The following IQCH variants were observed in gnomAD, a reference collection of about 807,000 sequenced individuals.
IQCH encodes the protein IQ domain-containing protein H.
Under a neutral mutation model 117.0 loss-of-function variants are expected in IQCH, and 98 were observed. The observed-to-expected ratio is 0.84, with a 90% confidence interval of 0.71 to 0.99. The LOEUF (loss-of-function observed/expected upper bound fraction) is 0.99. Ranked by LOEUF, IQCH falls within the 50% of genes least tolerant of loss-of-function variation. IQCH has a pLI of 0.00. For synonymous variants in IQCH, 412 were observed against 448.2 expected (o/e 0.92, Z 1.02); for missense variants, 1,102 against 1,243.8 (o/e 0.89, Z 1.72).
chr15:67,494,484 T>C lies in IQCH; in HGVS notation c.2970+118T>C. On this transcript the variant is annotated intron_variant, in intron 20 of 20. Coordinates refer to ENST00000335894, the MANE Select transcript of IQCH (RefSeq NM_001031715.3). This position sits in a 1 kb window ranked among gnomAD's most constrained non-coding sequence, Gnocchi z 5.5. ...TTTTTTTATTGTAAGCAGTACATAT[T>C]TTACAGTGTGCAGGGTCAATACTGT... The C allele has an allele frequency of 1.5e-6, 1 of 656,002 alleles. No homozygotes were observed. Among genetic ancestry groups the C allele is most frequent in the East Asian group, 2.9e-5 (1 of 34,994 alleles). The allele number at this position is 656,002 out of a possible 1,614,324, so 40.6% of individuals were successfully genotyped here. A position where few individuals can be genotyped will look rare whatever the true frequency, so the allele number is the denominator to read the frequency against.
intron 20 of IQCH, among the ~76,000 whole-genome samples, chr15:67,499,914 T>A (rs2083934565): frequency 6.6e-6 from 1 of 152,008 alleles, no homozygotes; most frequent in Admixed American, 6.6e-5. Context: ...GCAGAAGAGG[T>A]AGATCCATAG....
rs555283234 is a variant in IQCH at position 67,474,740 on chromosome 15, G to T, written c.2677-956G>T. Among the ~76,000 whole-genome samples, 5 of 152,186 alleles carry T rather than the reference G, an allele frequency of 3.3e-5. No individual in the cohort carries two copies. The highest frequency in any genetic ancestry group is 7.3e-5 in the Non-Finnish European group (5 of 68,040). On this transcript the variant is annotated intron_variant, in intron 17 of 20. Coordinates refer to ENST00000335894, the MANE Select transcript of IQCH (RefSeq NM_001031715.3). This position sits in a 1 kb window ranked among gnomAD's most constrained non-coding sequence, Gnocchi z 4.1. ...GCTGCCAAAGGTTAAAGTATGGGAA[G>T]AGTGGGAAAATATCTTTACAGCAGA...
At chr15:67,304,486 A>AT (rs1324650285) in intron 4 of IQCH, 5 of 1,046,804 alleles carry the variant, frequency 4.8e-6, no homozygotes, top group Non-Finnish European at 4.2e-6. Flanking sequence ...ATGAGCTCTT[A>AT]TTTTTTTAAG....
intron 4 of IQCH, among the ~76,000 whole-genome samples, chr15:67,293,846 G>A (rs943009971): frequency 1.3e-5 from 2 of 152,156 alleles, no homozygotes; most frequent in African/African-American, 4.8e-5. Context: ...AGTGTGAATA[G>A]CAAAGAAGGG....
At position 67,342,214 on chromosome 15, in the gene IQCH, C is replaced by A. The variant is rs769717375; in HGVS notation, c.509-1849C>A. ...CCCAGGTATTCAAGGGTGCAGTGAGCTATGATGGTGCCACTGCACTCCAAC... is the reference window on the plus strand; with the variant it reads ...CCCAGGTATTCAAGGGTGCAGTGAGATATGATGGTGCCACTGCACTCCAAC... On this transcript the variant is annotated intron_variant, in intron 5 of 20. Transcript: ENST00000335894. The surrounding 1 kb of genome is among the most constrained non-coding windows in gnomAD (Gnocchi z 4.7). Among the ~76,000 whole-genome samples, 14 of 151,914 alleles carry A rather than the reference C, an allele frequency of 9.2e-5. No homozygotes were observed. The highest frequency in any genetic ancestry group is 2.1e-4 in the Non-Finnish European group (14 of 67,980).
At chr15:67,332,462 A>C (rs1213810598) in intron 4 of IQCH, among the ~76,000 whole-genome samples, 1 of 152,210 alleles carries the variant, frequency 6.6e-6, no homozygotes, top group Non-Finnish European at 1.5e-5. Flanking sequence ...ATTCTAGTAA[A>C]GTACACATGA....
At chr15:67,488,987 G>A (rs1018995332) in intron 18 of IQCH, among the ~76,000 whole-genome samples, 2 of 151,862 alleles carry the variant, frequency 1.3e-5, no homozygotes, top group African/African-American at 4.8e-5. Context: ...TCCCACTGAA[G>A]TACAAATTAT....
chr15:67,353,182 T>A (rs182638566), intron 6 of IQCH, among the ~76,000 whole-genome samples: 1 of 148,942 alleles, frequency 6.7e-6, no homozygotes, highest in Non-Finnish European at 1.5e-5. Flanking sequence ...ACAAGAACAA[T>A]TGATAATAAG....
rs111875205 is a variant in IQCH, at chr15:67,487,429, A to AACACACACAC, written c.2800-2554_2800-2545dup. Among the ~76,000 whole-genome samples the AACACACACAC allele has an allele frequency of 1.5e-3, 215 of 148,188 alleles. 1 individual carries two copies. Among genetic ancestry groups the AACACACACAC allele is most frequent in the African/African-American group, 2.2e-3 (89 of 40,336 alleles). On this transcript the variant is annotated intron_variant, in intron 18 of 20. Coordinates refer to ENST00000335894, the MANE Select transcript of IQCH (RefSeq NM_001031715.3). ...CTTCCTGAGCACAAAACTTAAGGAA[A>AACACACACAC]ACACACACACACACACACACACACA...
rs1230658528 is a variant in IQCH at position 67,408,584 on chromosome 15, TA to T, written c.2097+8282del. ...GGCACAGCTCTTCACTCTGATTAAC[TA>T]AAGTCACTGCTTGCCCATTCCTTTT... On this transcript the variant is annotated intron_variant, in intron 14 of 20. Transcript: ENST00000335894. The surrounding 1 kb of genome is among the most constrained non-coding windows in gnomAD (Gnocchi z 4.2). 1 of 152,212 alleles carries T rather than the reference TA, an allele frequency of 6.6e-6. No homozygotes were observed. Among genetic ancestry groups the T allele is most frequent in the Non-Finnish European group, 1.5e-5 (1 of 68,036 alleles). 9.4% of individuals were successfully genotyped at this position (152,212 alleles called of 1,614,324 possible).
At chr15:67,314,552 T>A (rs557335910) in intron 4 of IQCH, among the ~76,000 whole-genome samples, 5 of 152,298 alleles carry the variant, frequency 3.3e-5, no homozygotes, top group African/African-American at 1.2e-4. Context: ...CATTTTTTTC[T>A]TTTATATAAG....
chr15:67,281,037 G>A (rs1487824663), intron 4 of IQCH, among the ~76,000 whole-genome samples: 1 of 151,990 alleles, frequency 6.6e-6, no homozygotes, highest in Non-Finnish European at 1.5e-5. Context: ...GTAGAGATGG[G>A]GTTTCACCAT....
rs1327159004 is a variant in IQCH at position 67,416,839 on chromosome 15, G to C, written c.2098-92G>C. 3.8e-6 allele frequency: 4 copies of C among 1,040,326 alleles called. No individual in the cohort carries two copies. Among genetic ancestry groups the C allele is most frequent in the Non-Finnish European group, 5.2e-6 (4 of 774,290 alleles). The allele number at this position is 1,040,326 out of a possible 1,614,324, so 64.4% of individuals were successfully genotyped here. A position where few individuals can be genotyped will look rare whatever the true frequency, so the allele number is the denominator to read the frequency against. On this transcript the variant is annotated intron_variant, in intron 14 of 20. Transcript: ENST00000335894. The surrounding 1 kb of genome is among the most constrained non-coding windows in gnomAD (Gnocchi z 5.1). Reference sequence around the variant, plus strand: ...GGTAAACAGTAACCACATTTTTTTTGCCTGTTGGAGGCCTGGTTTTTAATC... The same window carrying C: ...GGTAAACAGTAACCACATTTTTTTTCCCTGTTGGAGGCCTGGTTTTTAATC...
intron 5 of IQCH, among the ~76,000 whole-genome samples, chr15:67,340,445 A>AC (rs1969109309): frequency 4.8e-5 from 7 of 146,856 alleles, no homozygotes; most frequent in East Asian, 3.9e-4. Flanking sequence ...AAAAAAAAAA[A>AC]AAAAAAAAAA....
In IQCH at chr15:67,457,175, A is replaced by C. The variant is rs2082678371; in HGVS notation, c.2506-7952A>C. On this transcript the variant is annotated intron_variant, in intron 16 of 20. Coordinates refer to ENST00000335894, the MANE Select transcript of IQCH (RefSeq NM_001031715.3). The surrounding 1 kb of genome is among the most constrained non-coding windows in gnomAD (Gnocchi z 5.7). ...CTCCCCTCTGCCTATTGATTTAGGC[A>C]GAGGGCCTATTGCATTTTAATGTTA... is the stretch of plus-strand genomic sequence containing the variant. 6.6e-6 allele frequency among the ~76,000 whole-genome samples: 1 copy of C among 152,202 alleles called. No homozygotes were observed. The highest frequency in any genetic ancestry group is 1.5e-5 in the Non-Finnish European group (1 of 68,030).
intron 16 of IQCH, among the ~76,000 whole-genome samples, chr15:67,449,066 GGGTT>G (rs1027040062): frequency 7.2e-5 from 3 of 41,944 alleles, no homozygotes; most frequent in Non-Finnish European, 1.8e-4. Context: ...CTTTTTGATG[GGGTT>G]GTTTGTTTTT....
At chr15:67,482,578 T>C (rs546013718) in intron 18 of IQCH, among the ~76,000 whole-genome samples, 53 of 152,310 alleles carry the variant, frequency 3.5e-4, no homozygotes, top group African/African-American at 1.2e-3. Context: ...CATTCTGATA[T>C]TGTAAATGAG....
At chr15:67,354,608 TA>T (rs67439935) in intron 6 of IQCH, among the ~76,000 whole-genome samples, 67,019 of 151,542 alleles carry the variant, frequency 0.44, 15,284 homozygotes, top group Non-Finnish European at 0.52. Context: ...GCACATGCAA[TA>T]AGACAAAGTA....
At position 67,369,956 on chromosome 15, in the gene IQCH, T is replaced by G. The variant is rs1013420460; in HGVS notation, c.754-2155T>G. On this transcript the variant is annotated intron_variant, in intron 8 of 20. Coordinates refer to ENST00000335894, the MANE Select transcript of IQCH (RefSeq NM_001031715.3). This position sits in a 1 kb window ranked among gnomAD's most constrained non-coding sequence, Gnocchi z 5.2. Reference sequence around the variant, plus strand: ...GGTCTGTTTGATGTCCAGGAGTATGTTTCCTTTGAGAGCAGGTCTTTGCTG... The same window carrying G: ...GGTCTGTTTGATGTCCAGGAGTATGGTTCCTTTGAGAGCAGGTCTTTGCTG... Among the ~76,000 whole-genome samples, 13 of 152,330 alleles carry G rather than the reference T, an allele frequency of 8.5e-5. No individual in the cohort carries two copies. Among genetic ancestry groups the G allele is most frequent in the South Asian group, 6.2e-4 (3 of 4,828 alleles).
Sources: allele counts gnomAD v4.1 joint callset (sites outside exome capture counted in the v4.1 genomes callset), GRCh38; gene constraint gnomAD v4.1.1; non-coding constraint Gnocchi (gnomAD v3.1); transcripts MANE v1.5; gene names NCBI Gene and HGNC (gene_info 2026-07-23, HGNC 2026-07-21).